XKR4: variants seen among roughly 807,000 people sequenced by gnomAD.
XKR4 encodes the protein XK related 4.
In XKR4, 12 loss-of-function variants were observed where a neutral mutation model predicts 53.9. That is an observed-to-expected ratio of 0.22 (90% CI 0.14 to 0.36). The LOEUF (loss-of-function observed/expected upper bound fraction) is 0.36, where lower values mean the gene tolerates loss of function less well. XKR4 is among the 10% of genes least tolerant of loss of function. The pLI, the probability that XKR4 is intolerant of heterozygous loss-of-function variation, is 1.00. For synonymous variants in XKR4, 354 were observed against 362.4 expected, an observed-to-expected ratio of 0.98 and a Z score of 0.26; for missense variants, 799 against 859.5, an observed-to-expected ratio of 0.93 and a Z score of 0.88.
chr8:55,115,231 G>A (rs112835603), intron 1 of XKR4, among the ~76,000 whole-genome samples: 65 of 152,266 alleles, frequency 4.3e-4, no homozygotes, highest in African/African-American at 1.5e-3. Context: ...TGGTCAGAAA[G>A]GCTAATGTGA....
intron 2 of XKR4, chr8:55,453,844 C>G: frequency 1.9e-6 from 1 of 516,472 alleles, no homozygotes; most frequent in South Asian, 1.6e-5. Context: ...CATCGTGGGC[C>G]ACCAGCTCAT....
At chr8:55,106,145 C>T (rs1816143758) in intron 1 of XKR4, among the ~76,000 whole-genome samples, 1 of 152,170 alleles carries the variant, frequency 6.6e-6, no homozygotes, top group Non-Finnish European at 1.5e-5. Flanking sequence ...AGGTTGGTAA[C>T]TGCTTCTTGT....
At chr8:55,376,611 A>G (rs1804155254) in intron 2 of XKR4, among the ~76,000 whole-genome samples, 1 of 152,040 alleles carries the variant, frequency 6.6e-6, no homozygotes, top group African/African-American at 2.4e-5. Flanking sequence ...AGTTCTTTGT[A>G]GATTCTGGAT....
At chr8:55,405,737 T>C (rs1374118533) in intron 2 of XKR4, among the ~76,000 whole-genome samples, 1 of 152,222 alleles carries the variant, frequency 6.6e-6, no homozygotes, top group Non-Finnish European at 1.5e-5. Flanking sequence ...GGAAGTGAGT[T>C]GAGAACACAC....
chr8:55,453,667 GA>G, intron 2 of XKR4: 1 of 416,876 alleles, frequency 2.4e-6, no homozygotes. Context: ...CCAGCCAGGG[GA>G]AGGGCCGGGG....
intron 1 of XKR4, among the ~76,000 whole-genome samples, chr8:55,246,698 A>G (rs975383464): frequency 2.6e-5 from 4 of 151,242 alleles, no homozygotes; most frequent in Middle Eastern, 3.4e-3. Flanking sequence ...TCAAAAAGAA[A>G]GACCCCATTA....
chr8:55,377,306 C>T (rs1045367731), intron 2 of XKR4, among the ~76,000 whole-genome samples: 2 of 152,192 alleles, frequency 1.3e-5, no homozygotes, highest in Non-Finnish European at 2.9e-5. Flanking sequence ...CATAGGCAGG[C>T]ACCTGGGAGA....
intron 1 of XKR4, among the ~76,000 whole-genome samples, chr8:55,308,628 T>C (rs1388666790): frequency 6.6e-6 from 1 of 151,640 alleles, no homozygotes; most frequent in Non-Finnish European, 1.5e-5. Context: ...CATATCACCA[T>C]ACAATCTAAC....
chr8:55,445,412 G>A (rs1187468237), intron 2 of XKR4, among the ~76,000 whole-genome samples: 2 of 152,168 alleles, frequency 1.3e-5, no homozygotes, highest in South Asian at 2.1e-4. Flanking sequence ...TTACAGAAGG[G>A]CACTATACTT....
chr8:55,230,568 A>G (rs1818022304), intron 1 of XKR4, among the ~76,000 whole-genome samples: 1 of 152,012 alleles, frequency 6.6e-6, no homozygotes, highest in Non-Finnish European at 1.5e-5. Context: ...GGGTTTCACC[A>G]TGTTGGCCAG....
rs180882456 is a variant in XKR4 at position 55,480,322 on chromosome 8, G to A, written c.1007-42959G>A. Among the ~76,000 whole-genome samples the A allele has an allele frequency of 5.8e-3, 879 of 152,290 alleles. 9 individuals are homozygous for A. The highest frequency in any genetic ancestry group is 0.02 in the African/African-American group (818 of 41,568). On this transcript the variant is annotated intron_variant, in intron 2 of 2. Coordinates refer to ENST00000327381, the MANE Select transcript of XKR4 (RefSeq NM_052898.2). ...AAACCACATGATTATCTCAATAGAT[G>A]CAGAAAACGCCTTTGACAAAATTCA...
intron 1 of XKR4, among the ~76,000 whole-genome samples, chr8:55,269,863 A>G (rs2129372337): frequency 6.6e-6 from 1 of 152,294 alleles, no homozygotes; most frequent in Admixed American, 6.5e-5. Context: ...ATATGTTGGT[A>G]AATTAGTAAG....
chr8:55,453,674 C>T (rs556495329), intron 2 of XKR4: 13 of 410,780 alleles, frequency 3.2e-5, no homozygotes, highest in South Asian at 1.4e-4. Context: ...GGGGAAGGGC[C>T]GGGGCGCCCA....
intron 2 of XKR4, among the ~76,000 whole-genome samples, chr8:55,421,525 ATCTC>A (rs71256537): frequency 4.7e-5 from 7 of 149,922 alleles, no homozygotes; most frequent in South Asian, 2.1e-4. Flanking sequence ...GCACCTTGGC[ATCTC>A]TCTCTCTCTC....
chr8:55,169,136 A>C (rs1817113991), intron 1 of XKR4, among the ~76,000 whole-genome samples: 1 of 152,254 alleles, frequency 6.6e-6, no homozygotes, highest in African/African-American at 2.4e-5. Flanking sequence ...AAATATTGAC[A>C]TGATTCAATA....
At chr8:55,378,822 A>T (rs2129387212) in intron 2 of XKR4, among the ~76,000 whole-genome samples, 1 of 152,312 alleles carries the variant, frequency 6.6e-6, no homozygotes, top group East Asian at 1.9e-4. Context: ...TTTTCTCATC[A>T]TCTAATATTT....
At chr8:55,352,420 G>A (rs943690575) in intron 1 of XKR4, among the ~76,000 whole-genome samples, 2 of 152,194 alleles carry the variant, frequency 1.3e-5, no homozygotes, top group African/African-American at 4.8e-5. Context: ...AAAACTAAAA[G>A]TTTTAAACTT....
chr8:55,398,493 A>T (rs899017578), intron 2 of XKR4, among the ~76,000 whole-genome samples: 1 of 152,182 alleles, frequency 6.6e-6, no homozygotes, highest in Non-Finnish European at 1.5e-5. Context: ...TGTTGGTAGG[A>T]TTAAAAAATA....
chr8:55,487,241 T>C (rs1044267221), intron 2 of XKR4, among the ~76,000 whole-genome samples: 3 of 152,172 alleles, frequency 2.0e-5, no homozygotes, highest in African/African-American at 7.2e-5. Flanking sequence ...GGAGTTCTGA[T>C]GTTCAAGACA....
Sources: allele counts gnomAD v4.1 joint callset (sites outside exome capture counted in the v4.1 genomes callset), GRCh38; gene constraint gnomAD v4.1.1; transcripts MANE v1.5; gene names NCBI Gene and HGNC (gene_info 2026-07-23, HGNC 2026-07-21).